The following MTUS2 variants were observed in gnomAD, a reference collection of about 807,000 sequenced individuals.
MTUS2 encodes microtubule-associated tumor suppressor candidate 2.
In MTUS2, 40 loss-of-function variants were observed where a neutral mutation model predicts 114.1. The observed-to-expected ratio is 0.35, with a 90% CI of 0.27 to 0.46. MTUS2 has a LOEUF of 0.46. MTUS2 is among the 20% of genes least tolerant of loss of function. The pLI is 1.00. For missense variants in MTUS2, 1,679 were observed against 1,705.4 expected (o/e 0.98, Z 0.27); for synonymous variants, 688 against 672.0 (o/e 1.02, Z -0.37).
intron 5 of MTUS2, among the ~76,000 whole-genome samples, chr13:29,222,832 A>G (rs990719571): frequency 2.0e-5 from 3 of 152,212 alleles, no homozygotes; most frequent in African/African-American, 7.2e-5. Context: ...ATCTGCTCCA[A>G]TTGCGGAGCA....
intron 2 of MTUS2, among the ~76,000 whole-genome samples, chr13:29,019,847 C>G (rs1886220466): frequency 1.3e-5 from 2 of 152,212 alleles, no homozygotes. Flanking sequence ...ACACGGTGTA[C>G]TTAGAGGAAA....
chr13:29,090,407 G>A (rs915381960), intron 4 of MTUS2, among the ~76,000 whole-genome samples: 6 of 152,176 alleles, frequency 3.9e-5, no homozygotes, highest in Admixed American at 2.0e-4. Context: ...AGAGTTCACT[G>A]TGCTGGGGTC....
At chr13:29,459,887 C>G (rs1010545932) in intron 9 of MTUS2, among the ~76,000 whole-genome samples, 2 of 152,140 alleles carry the variant, frequency 1.3e-5, no homozygotes, top group African/African-American at 4.8e-5. Flanking sequence ...GCCAACTTCT[C>G]CTGCCTCTTC....
At chr13:29,464,926 G>A (rs1879780113) in intron 9 of MTUS2, among the ~76,000 whole-genome samples, 1 of 152,348 alleles carries the variant, frequency 6.6e-6, no homozygotes, top group African/African-American at 2.4e-5. Context: ...GCATGCTCGA[G>A]TTTGAGAAGC....
intron 5 of MTUS2, among the ~76,000 whole-genome samples, chr13:29,251,148 G>A (rs934887916): frequency 2.0e-5 from 3 of 152,118 alleles, no homozygotes; most frequent in East Asian, 1.9e-4. Flanking sequence ...GAGTGAATAC[G>A]AGAACAAGAT....
At chr13:29,378,416 G>T (rs1007567773) in intron 8 of MTUS2, among the ~76,000 whole-genome samples, 1 of 152,088 alleles carries the variant, frequency 6.6e-6, no homozygotes, top group African/African-American at 2.4e-5. Context: ...TCACTTGTTT[G>T]TGGGAACTGA....
In MTUS2 at chr13:28,899,778, G is replaced by A. The variant is rs184435127; in HGVS notation, c.-243+59928G>A. 1.1e-3 allele frequency among the ~76,000 whole-genome samples: 169 copies of A among 152,122 alleles called. 1 individual carries two copies. Among genetic ancestry groups the A allele is most frequent in the African/African-American group, 3.8e-3 (157 of 41,486 alleles). On this transcript the variant is annotated intron_variant, in intron 2 of 15. Transcript: ENST00000612955. ...ACTTTCTTTTTTCTGTCCATAAATC[G>A]TCTTCTACCACATGGCTGCACTGGA...
chr13:28,955,167 CAT>C (rs1882999637), intron 2 of MTUS2, among the ~76,000 whole-genome samples: 1 of 152,206 alleles, frequency 6.6e-6, no homozygotes, highest in African/African-American at 2.4e-5. Flanking sequence ...CTTTTACCCA[CAT>C]GTTACATCTG....
At chr13:29,281,978 A>C (rs1898292224) in intron 6 of MTUS2, 113 bp downstream of exon 6, 1 of 1,203,794 alleles carries the variant, frequency 8.3e-7, no homozygotes. Context: ...TGATTGATTA[A>C]ATGATAGTTA....
At chr13:29,463,612 A>C (rs1879674062) in intron 9 of MTUS2, among the ~76,000 whole-genome samples, 1 of 152,044 alleles carries the variant, frequency 6.6e-6, no homozygotes, top group Non-Finnish European at 1.5e-5. Flanking sequence ...CAGCCACCGA[A>C]GACCAGAGGT....
At chr13:28,883,978 A>G (rs1472633472) in intron 2 of MTUS2, among the ~76,000 whole-genome samples, 9 of 152,182 alleles carry the variant, frequency 5.9e-5, no homozygotes, top group Admixed American at 5.9e-4. Context: ...GGAAAATAGT[A>G]TGATGTTTCC....
At chr13:29,156,887 A>G (rs929334033) in intron 5 of MTUS2, among the ~76,000 whole-genome samples, 2 of 152,198 alleles carry the variant, frequency 1.3e-5, no homozygotes, top group African/African-American at 4.8e-5. Context: ...AGTGGTATAC[A>G]TACGCATTCT....
At chr13:28,992,677 C>A (rs540550568) in intron 2 of MTUS2, among the ~76,000 whole-genome samples, 2 of 152,158 alleles carry the variant, frequency 1.3e-5, no homozygotes, top group African/African-American at 4.8e-5. Flanking sequence ...CTCGCATGCT[C>A]CCCTGGGCCC....
At chr13:29,104,132 CA>C (rs1890552005) in intron 5 of MTUS2, among the ~76,000 whole-genome samples, 1 of 152,198 alleles carries the variant, frequency 6.6e-6, no homozygotes, top group African/African-American at 2.4e-5. Flanking sequence ...AGCCCAACCC[CA>C]TTGAGCAGAG....
At chr13:29,048,859 A>G (rs757072205) in intron 4 of MTUS2, among the ~76,000 whole-genome samples, 1 of 152,154 alleles carries the variant, frequency 6.6e-6, no homozygotes, top group South Asian at 2.1e-4. Flanking sequence ...CAAGCATTCC[A>G]CGTGCCTCAG....
chr13:28,828,941 T>A lies in MTUS2; in HGVS notation c.-316+8330T>A, dbSNP rs1051660946. Among the ~76,000 whole-genome samples the A allele has an allele frequency of 2.0e-5, 3 of 152,202 alleles. 1 individual carries two copies. Among genetic ancestry groups the A allele is most frequent in the Non-Finnish European group, 1.5e-5 (1 of 68,034 alleles). On this transcript the variant is annotated intron_variant, in intron 1 of 15. Transcript: ENST00000612955. ...TCATCATGGATTTTTTACATTAATT[T>A]TGATTTCCTAAAAATATTGCATTAA...
At chr13:29,196,024 A>C (rs1894682524) in intron 5 of MTUS2, among the ~76,000 whole-genome samples, 1 of 152,132 alleles carries the variant, frequency 6.6e-6, no homozygotes, top group Non-Finnish European at 1.5e-5. Flanking sequence ...GATGGATTTG[A>C]GAGGTGCAAG....
chr13:29,380,949 GAC>G (rs1401330901), intron 8 of MTUS2, among the ~76,000 whole-genome samples: 2 of 140,178 alleles, frequency 1.4e-5, no homozygotes, highest in Admixed American at 7.1e-5. Context: ...AAAAAAAAAA[GAC>G]ATCAGCTTTG....
intron 2 of MTUS2, among the ~76,000 whole-genome samples, chr13:28,965,600 A>T (rs1056493090): frequency 3.9e-5 from 6 of 152,210 alleles, no homozygotes; most frequent in African/African-American, 1.4e-4. Context: ...TAACATACAC[A>T]TATATACATA....
Sources: gnomAD v4.1 joint callset for allele counts (sites outside exome capture counted in the v4.1 genomes callset) on GRCh38, gnomAD v4.1.1 for gene constraint, MANE v1.5 for transcripts, NCBI Gene and HGNC (gene_info 2026-07-23, HGNC 2026-07-21) for gene names.